Variants in NCAM2 observed in about 807,000 individuals in gnomAD.
NCAM2 encodes the protein neural cell adhesion molecule 2.
Under a neutral mutation model 98.1 loss-of-function variants are expected in NCAM2, and 30 were observed. The observed-to-expected ratio is 0.31, with a 90% CI of 0.23 to 0.41. The LOEUF (loss-of-function observed/expected upper bound fraction) is 0.41, where lower values mean the gene tolerates loss of function less well. Ranked by LOEUF, NCAM2 falls within the 10% of genes least tolerant of loss-of-function variation. NCAM2 has a pLI of 1.00. For synonymous variants in NCAM2, 368 were observed against 342.4 expected, an observed-to-expected ratio of 1.07 and a Z score of -0.83; for missense variants, 867 against 1,005.8, an observed-to-expected ratio of 0.86 and a Z score of 1.87.
intron 16 of NCAM2, among the ~76,000 whole-genome samples, chr21:21,509,470 G>A (rs963730716): frequency 6.6e-6 from 1 of 152,024 alleles, no homozygotes; most frequent in Non-Finnish European, 1.5e-5. Context: ...ACAAAATTGT[G>A]GCAACTTCTA....
At chr21:21,254,938 A>C (rs1412078680) in intron 1 of NCAM2, among the ~76,000 whole-genome samples, 1 of 120,582 alleles carries the variant, frequency 8.3e-6, no homozygotes, top group Non-Finnish European at 1.7e-5. Flanking sequence ...GTGTACCCAC[A>C]TAGCATATCT....
At chr21:21,029,756 G>A (rs2064634879) in intron 1 of NCAM2, among the ~76,000 whole-genome samples, 1 of 151,824 alleles carries the variant, frequency 6.6e-6, no homozygotes, top group Non-Finnish European at 1.5e-5. Context: ...TTAGCCTCCC[G>A]AGTAGCTGGG....
chr21:21,094,482 A>G (rs1228752065), intron 1 of NCAM2, among the ~76,000 whole-genome samples: 1 of 151,868 alleles, frequency 6.6e-6, no homozygotes, highest in Non-Finnish European at 1.5e-5. Context: ...GAGTATAATA[A>G]TAGTTTATCT....
intron 1 of NCAM2, among the ~76,000 whole-genome samples, chr21:21,064,230 T>C (rs756313869): frequency 6.6e-6 from 1 of 152,140 alleles, no homozygotes; most frequent in African/African-American, 2.4e-5. Context: ...TGCTAAGAAT[T>C]GTGACTTCAA....
chr21:21,041,796 T>C (rs1158033421), intron 1 of NCAM2, among the ~76,000 whole-genome samples: 1 of 152,180 alleles, frequency 6.6e-6, no homozygotes, highest in Non-Finnish European at 1.5e-5. Flanking sequence ...TCACAAACAC[T>C]TGTCCTGAAA....
chr21:21,324,589 C>T, intron 6 of NCAM2, 89 bp downstream of exon 6: 1 of 930,268 alleles, frequency 1.1e-6, no homozygotes, highest in Non-Finnish European at 1.6e-6. Flanking sequence ...TGGTAAAAAG[C>T]AAACCATTGC....
intron 3 of NCAM2, among the ~76,000 whole-genome samples, chr21:21,284,877 A>G (rs561474392): frequency 8.6e-5 from 13 of 151,742 alleles, no homozygotes; most frequent in South Asian, 4.2e-4. Flanking sequence ...ATTCTTTACC[A>G]CTAAGTGTTT....
chr21:21,307,462 C>T (rs1415569142), intron 5 of NCAM2, among the ~76,000 whole-genome samples: 2 of 152,246 alleles, frequency 1.3e-5, no homozygotes, highest in Non-Finnish European at 2.9e-5. Context: ...TGGCTCAAAA[C>T]AGCAGAAATT....
intron 1 of NCAM2, among the ~76,000 whole-genome samples, chr21:21,111,555 G>A (rs1244201321): frequency 6.6e-6 from 1 of 152,096 alleles, no homozygotes; most frequent in African/African-American, 2.4e-5. Context: ...GGAGAGAGAA[G>A]CCCACTGTGA....
rs12233348 is a variant in NCAM2 at position 21,524,964 on chromosome 21, T to A, written c.2283-9573T>A. ...AAATTTTTAAATATTTTAAACTAAA[T>A]GAAAATGAAAACACAACAAATCAAA... On this transcript the variant is annotated intron_variant, in intron 16 of 17. Coordinates refer to ENST00000400546, the MANE Select transcript of NCAM2 (RefSeq NM_004540.5). Among the ~76,000 whole-genome samples the A allele has an allele frequency of 1.2e-3, 175 of 152,126 alleles. 5 individuals carry two copies. In the East Asian group the frequency reaches 0.031, roughly 27 times the overall value.
chr21:21,129,475 A>G (rs1569054713), intron 1 of NCAM2, among the ~76,000 whole-genome samples: 1 of 152,124 alleles, frequency 6.6e-6, no homozygotes, highest in East Asian at 1.9e-4. Context: ...GCCAGCTGCT[A>G]TATCACGTGG....
chr21:21,051,208 T>C (rs1169513577), intron 1 of NCAM2, among the ~76,000 whole-genome samples: 1 of 152,206 alleles, frequency 6.6e-6, no homozygotes, highest in Non-Finnish European at 1.5e-5. Flanking sequence ...TATAAAAACC[T>C]GACCATCTCA....
chr21:21,302,781 C>G (rs1056139776), intron 5 of NCAM2, among the ~76,000 whole-genome samples: 1 of 152,002 alleles, frequency 6.6e-6, no homozygotes, highest in Non-Finnish European at 1.5e-5. Flanking sequence ...GATCATTATA[C>G]CAAAAAGGCA....
chr21:21,260,257 A>G (rs1231032629), intron 1 of NCAM2, among the ~76,000 whole-genome samples: 1 of 152,030 alleles, frequency 6.6e-6, no homozygotes, highest in Admixed American at 6.6e-5. Context: ...AAAAGCGAGC[A>G]ACATGGAAAA....
At chr21:21,308,539 T>C (rs756132709) in intron 5 of NCAM2, among the ~76,000 whole-genome samples, 2 of 152,084 alleles carry the variant, frequency 1.3e-5, no homozygotes, top group Non-Finnish European at 2.9e-5. Context: ...ACCCCCAGAT[T>C]CTTAGAGATT....
At chr21:21,170,470 A>G (rs940554418) in intron 1 of NCAM2, among the ~76,000 whole-genome samples, 1 of 152,240 alleles carries the variant, frequency 6.6e-6, no homozygotes, top group African/African-American at 2.4e-5. Flanking sequence ...AGCCAATCTG[A>G]AAAGACTACC....
At position 21,168,363 on chromosome 21, in the gene NCAM2, C is replaced by A. The variant is rs538867633; in HGVS notation, c.56-112215C>A. Among the ~76,000 whole-genome samples the A allele has an allele frequency of 2.0e-5, 3 of 152,206 alleles. No individual in the cohort carries two copies. In the South Asian group the frequency reaches 6.2e-4, roughly 32 times the overall value. ...ACCATACTTGGTGTTAAATTAGAGC[C>A]TTCCCATTAAGATTCGGGAGTAAGC... On this transcript the variant is annotated intron_variant, in intron 1 of 17. Transcript: ENST00000400546.
At chr21:21,502,623 G>A (rs1306630366) in intron 15 of NCAM2, among the ~76,000 whole-genome samples, 1 of 151,920 alleles carries the variant, frequency 6.6e-6, no homozygotes, top group Non-Finnish European at 1.5e-5. Context: ...GTACTACGAA[G>A]GACGAAGTAA....
chr21:21,375,255 A>T (rs1272987023), intron 9 of NCAM2, among the ~76,000 whole-genome samples: 1 of 151,584 alleles, frequency 6.6e-6, no homozygotes, highest in African/African-American at 2.4e-5. Flanking sequence ...TATTTGTTAA[A>T]CTATACAATT....
Sources: gnomAD v4.1 joint callset for allele counts (sites outside exome capture counted in the v4.1 genomes callset) on GRCh38, gnomAD v4.1.1 for gene constraint, MANE v1.5 for transcripts, NCBI Gene and HGNC (gene_info 2026-07-23, HGNC 2026-07-21) for gene names.